Variants in MBD5 observed in about 807,000 individuals in gnomAD.
MBD5 encodes the protein methyl-CpG binding domain protein 5.
In MBD5, 13 loss-of-function variants were observed where a neutral mutation model predicts 117.3. That is an observed-to-expected ratio of 0.11 (90% confidence interval 0.07 to 0.18). The LOEUF (loss-of-function observed/expected upper bound fraction) is 0.18. MBD5 is among the 10% of genes least tolerant of loss of function. The pLI, the probability that MBD5 is intolerant of heterozygous loss-of-function variation, is 1.00. For missense variants in MBD5, 1,879 were observed against 2,093.8 expected, an observed-to-expected ratio of 0.90 and a Z score of 2.00; for synonymous variants, 727 against 766.4, an observed-to-expected ratio of 0.95 and a Z score of 0.85.
At chr2:148,486,634 A>C (rs2105100085) in intron 10 of MBD5, among the ~76,000 whole-genome samples, 1 of 152,342 alleles carries the variant, frequency 6.6e-6, no homozygotes, top group Admixed American at 6.5e-5. Context: ...GAGCTCCTAC[A>C]AATCAGGAAG....
At chr2:148,145,176 T>C (rs557572224) in intron 1 of MBD5, among the ~76,000 whole-genome samples, 2 of 152,180 alleles carry the variant, frequency 1.3e-5, no homozygotes, top group African/African-American at 4.8e-5. Flanking sequence ...CCCTTGTAGG[T>C]TGGATTCCTA....
chr2:148,371,668 G>C (rs1288234131), intron 4 of MBD5, among the ~76,000 whole-genome samples: 14 of 152,064 alleles, frequency 9.2e-5, no homozygotes, highest in Admixed American at 9.2e-4. Flanking sequence ...TCAAGTCAAG[G>C]CCTGTTTATT....
chr2:148,249,420 G>T (rs987303850), intron 3 of MBD5, among the ~76,000 whole-genome samples: 1 of 152,058 alleles, frequency 6.6e-6, no homozygotes, highest in Admixed American at 6.5e-5. Flanking sequence ...AAAACAATAA[G>T]TAAAATAATT....
intron 4 of MBD5, chr2:148,447,705 G>A (rs1414312195): frequency 6.6e-6 from 1 of 152,158 alleles, no homozygotes; most frequent in Non-Finnish European, 1.5e-5. Context: ...AGGCAGGAAT[G>A]TTGGCCTAGT....
chr2:148,456,332 A>G (rs187855255), intron 4 of MBD5, among the ~76,000 whole-genome samples: 14 of 152,264 alleles, frequency 9.2e-5, no homozygotes, highest in African/African-American at 2.9e-4. Context: ...AGATCTCTTT[A>G]TGGCCTAATG....
At chr2:148,365,914 C>A (rs1703683472) in intron 4 of MBD5, among the ~76,000 whole-genome samples, 1 of 151,918 alleles carries the variant, frequency 6.6e-6, no homozygotes, top group African/African-American at 2.4e-5. Flanking sequence ...GGAGCTGGTA[C>A]CATTCCTTCT....
At chr2:148,075,334 A>C (rs1219721509) in intron 1 of MBD5, among the ~76,000 whole-genome samples, 3 of 152,210 alleles carry the variant, frequency 2.0e-5, no homozygotes, top group Admixed American at 1.3e-4. Context: ...GAGGGTCTAG[A>C]ACCCTGCCAC....
intron 5 of MBD5, 96 bp downstream of exon 5, chr2:148,458,967 G>A (rs1010358982): frequency 1.2e-5 from 12 of 960,324 alleles, no homozygotes; most frequent in Non-Finnish European, 1.7e-5. Context: ...TCATATAAAT[G>A]TGAAAAAGTG....
intron 3 of MBD5, among the ~76,000 whole-genome samples, chr2:148,257,731 T>C (rs1293157354): frequency 2.6e-5 from 4 of 152,342 alleles, no homozygotes; most frequent in East Asian, 3.9e-4. Context: ...GGTGGGACTA[T>C]GCATATAGCC....
chr2:148,185,348 G>C (rs886228954), intron 2 of MBD5, among the ~76,000 whole-genome samples: 1 of 152,028 alleles, frequency 6.6e-6, no homozygotes, highest in Non-Finnish European at 1.5e-5. Flanking sequence ...TTGGTCTTTG[G>C]AGAGGGAACC....
intron 1 of MBD5, among the ~76,000 whole-genome samples, chr2:148,148,587 T>G (rs1161866723): frequency 4.6e-5 from 7 of 152,220 alleles, no homozygotes; most frequent in African/African-American, 1.7e-4. Flanking sequence ...GGAATTATTT[T>G]TCCTTTATTA....
intron 4 of MBD5, among the ~76,000 whole-genome samples, chr2:148,421,855 G>A (rs1705618436): frequency 1.3e-5 from 2 of 152,192 alleles, no homozygotes; most frequent in Non-Finnish European, 2.9e-5. Flanking sequence ...GCTCAGCAAG[G>A]CTGCTGCGGC....
At position 148,187,546 on chromosome 2, in the gene MBD5, A is replaced by G. The variant is rs142457589; in HGVS notation, c.-831+8753A>G. Among the ~76,000 whole-genome samples the G allele has an allele frequency of 7.3e-3, 1,118 of 152,332 alleles. 12 individuals are homozygous for G. Among genetic ancestry groups the G allele is most frequent in the African/African-American group, 0.025 (1,050 of 41,576 alleles). On this transcript the variant is annotated intron_variant, in intron 2 of 13. Coordinates refer to ENST00000642680, the MANE Select transcript of MBD5 (RefSeq NM_001378120.1). ...GAAACCAGTGATAAAGAGAAAAGTCATAAAAGTAAATGAAGAAAAAGGCAC... is the reference window on the plus strand; with the variant it reads ...GAAACCAGTGATAAAGAGAAAAGTCGTAAAAGTAAATGAAGAAAAAGGCAC...
intron 1 of MBD5, among the ~76,000 whole-genome samples, chr2:148,033,535 TAAC>T (rs1694101289): frequency 1.3e-5 from 2 of 152,228 alleles, no homozygotes; most frequent in South Asian, 4.1e-4. Context: ...ATTAAGTAAT[TAAC>T]AATCTAATAA....
chr2:148,172,045 G>A (rs1698275575), intron 1 of MBD5, among the ~76,000 whole-genome samples: 1 of 152,232 alleles, frequency 6.6e-6, no homozygotes, highest in African/African-American at 2.4e-5. Context: ...GCAGTGGCAT[G>A]TGCCTGTAAG....
chr2:148,049,426 A>C (rs567040244), intron 1 of MBD5, among the ~76,000 whole-genome samples: 1 of 152,152 alleles, frequency 6.6e-6, no homozygotes, highest in Admixed American at 6.6e-5. Flanking sequence ...GGACTATGGC[A>C]ATATCTTTTG....
intron 12 of MBD5, among the ~76,000 whole-genome samples, chr2:148,502,728 C>T (rs1488414532): frequency 6.6e-6 from 1 of 152,330 alleles, no homozygotes; most frequent in East Asian, 1.9e-4. Flanking sequence ...ATATTTGCCT[C>T]TTCATCTGTT....
chr2:148,270,561 G>A (rs909085136), intron 3 of MBD5, among the ~76,000 whole-genome samples: 1 of 151,758 alleles, frequency 6.6e-6, no homozygotes, highest in Non-Finnish European at 1.5e-5. Context: ...GCTAATTTTT[G>A]TATTTTTAGT....
chr2:148,107,386 T>C (rs1352605310), intron 1 of MBD5, among the ~76,000 whole-genome samples: 2 of 152,054 alleles, frequency 1.3e-5, no homozygotes, highest in Non-Finnish European at 2.9e-5. Flanking sequence ...TTGGGATTCA[T>C]TGGGTTTCTT....
Sources: allele counts gnomAD v4.1 joint callset (sites outside exome capture counted in the v4.1 genomes callset), GRCh38; gene constraint gnomAD v4.1.1; transcripts MANE v1.5; gene names NCBI Gene and HGNC (gene_info 2026-07-23, HGNC 2026-07-21).